The following NEB variants were observed in gnomAD, a reference collection of about 807,000 sequenced individuals.
NEB encodes the protein nebulin, also known as nemaline myopathy type 2.
NEB carries 512 observed loss-of-function variants against 952.2 expected under a neutral mutation model. That is an observed-to-expected ratio of 0.54 (90% confidence interval 0.50 to 0.58). The LOEUF (loss-of-function observed/expected upper bound fraction) is 0.58. NEB is among the 20% of genes least tolerant of loss of function. The pLI is 0.00. For missense variants in NEB, 8,428 were observed against 9,231.1 expected, an observed-to-expected ratio of 0.91 and a Z score of 3.56; for synonymous variants, 2,900 against 3,149.8, an observed-to-expected ratio of 0.92 and a Z score of 2.66.
chr2:151,633,945 G>A lies in NEB; in HGVS notation c.9123C>T (p.Tyr3041=), dbSNP rs1180913382. 1 of 1,612,972 alleles carries A rather than the reference G, an allele frequency of 6.2e-7. No individual in the cohort carries two copies. The change falls in exon 65 of 182, where the codon TAC becomes TAT. Residue 3041 remains tyrosine (Y), a synonymous_variant. Transcript: ENST00000397345. The part of the protein sequence containing the change: ...IISDYKYKDG[Y]CKQLGHHIGA... ...CAATATGGTGGCCAAGTTGCTTGCAGTAACCATCTTTATATTTGTACTAAA... is the reference window on the plus strand; with the variant it reads ...CAATATGGTGGCCAAGTTGCTTGCAATAACCATCTTTATATTTGTACTAAA...
intron 16 of NEB, 24 bp from the exon 17 acceptor site, chr2:151,696,759 G>C (rs2099599447): frequency 1.9e-6 from 3 of 1,582,218 alleles, no homozygotes; most frequent in Non-Finnish European, 2.6e-6. Context: ...AAGGCATTTG[G>C]TTTAGTAGTA....
At position 151,671,063 on chromosome 2, in the gene NEB, C is replaced by A. The variant is rs74482326; in HGVS notation, c.4466G>T (p.Gly1489Val). The change falls in exon 38 of 182, where the codon GGC becomes GTC. Residue 1489 changes from glycine to valine, a missense_variant. Coordinates refer to ENST00000397345, the MANE Select transcript of NEB (RefSeq NM_001164508.2). The part of the protein sequence containing the change: ...VKFTSVPDSM[G>V]MVLAQHNTKQ... ...TGTGTTATGCTGAGCCAACACCATG[C>A]CCATGGAATCAGGCACACTTGTGAA... The A allele has an allele frequency of 9.3e-6, 15 of 1,613,918 alleles. No individual in the cohort carries two copies. Among genetic ancestry groups the A allele is most frequent in the South Asian group, 4.4e-5 (4 of 91,080 alleles).
Position 151,650,859 on chromosome 2 carries a change from C to T in NEB, c.6942G>A (p.Lys2314=). 1.2e-6 allele frequency: 2 copies of T among 1,612,878 alleles called. No homozygotes were observed. The highest frequency in any genetic ancestry group is 1.7e-6 in the Non-Finnish European group (2 of 1,179,218). The stretch of plus-strand genomic sequence containing the variant: ...GGAATCCAACATGGTGGCCAAGTTG[C>T]TTTCGGTAGCCTTGTTTGTATTTAT... ...SDYKYKQGYR[K]QLGHHVGFRS... The change falls in exon 53 of 182, where the codon AAG becomes AAA. Residue 2314 remains lysine, a synonymous_variant. Coordinates refer to ENST00000397345, the MANE Select transcript of NEB (RefSeq NM_001164508.2).
At chr2:151,617,499 G>GAC in intron 74 of NEB, 31 bp from the exon 75 acceptor site, 2 of 1,326,244 alleles carry the variant, frequency 1.5e-6, no homozygotes, top group Non-Finnish European at 2.1e-6. Flanking sequence ...GAGAGAGAGA[G>GAC]AGAGAAAAAT....
At chr2:151,559,949 CA>C (rs1423080527) in intron 124 of NEB, among the ~76,000 whole-genome samples, 2 of 151,952 alleles carry the variant, frequency 1.3e-5, no homozygotes, top group Non-Finnish European at 2.9e-5. Flanking sequence ...TAAACCAAAA[CA>C]AAACACACAC....
chr2:151,643,406 T>C, intron 57 of NEB, 53 bp from the exon 58 acceptor site: 1 of 1,403,504 alleles, frequency 7.1e-7, no homozygotes. Context: ...TCACAATTTG[T>C]CATAATTTGT....
rs2096504464 is a variant in NEB at position 151,568,399 on chromosome 2, A to G, written c.17653T>C (p.Trp5885Arg). The change falls in exon 112 of 182, where the codon TGG becomes CGG. Residue 5885 changes from tryptophan to arginine, a missense_variant. Physicochemically the swap from Trp to Arg is moderately radical, Grantham distance 101. This residue lies in a region of NEB where 3,374 missense variants were observed against 3,651.5 expected (regional missense o/e 0.92). Transcript: ENST00000397345. Reference sequence around the variant, plus strand: ...GTGTACTTTGATTTGGTGGCATTCCAGTCTTTCCGGTATTTAATCTAAAAA... The same window carrying G: ...GTGTACTTTGATTTGGTGGCATTCCGGTCTTTCCGGTATTTAATCTAAAAA... ...ILDDIKYRKDWNATKSKYTLT... is the reference protein window; with the variant it reads ...ILDDIKYRKDRNATKSKYTLT... The G allele has an allele frequency of 1.2e-6, 2 of 1,604,310 alleles. No individual in the cohort carries two copies. Among genetic ancestry groups the G allele is most frequent in the Non-Finnish European group, 8.5e-7 (1 of 1,177,478 alleles).
At chr2:151,716,032 T>C (rs565700705) in intron 10 of NEB, 2 of 311,632 alleles carry the variant, frequency 6.4e-6, no homozygotes, top group Admixed American at 8.3e-5. Flanking sequence ...AGATTCCTTT[T>C]TCTTTCTAAA....
intron 13 of NEB, among the ~76,000 whole-genome samples, chr2:151,705,761 G>A (rs1323993552): frequency 1.3e-5 from 2 of 152,118 alleles, no homozygotes; most frequent in African/African-American, 4.8e-5. Flanking sequence ...ATGAAATAAT[G>A]TCTTTCAAAG....
intron 109 of NEB, 23 bp from the exon 110 acceptor site, chr2:151,569,395 AGTTCAGCAACCCTG>A: frequency 6.4e-7 from 1 of 1,570,718 alleles, no homozygotes. Context: ...GGCCAGAATG[AGTTCAGCAACCCTG>A]GTCATGTGGT....
chr2:151,512,997 C>A (rs971372225), intron 160 of NEB, among the ~76,000 whole-genome samples, 160 bp from the exon 161 acceptor site: 7 of 152,034 alleles, frequency 4.6e-5, no homozygotes, highest in African/African-American at 1.7e-4. Context: ...AGTTTTATAC[C>A]AAAGAGTGAG....
chr2:151,670,345 A>G (rs192599031), intron 38 of NEB, among the ~76,000 whole-genome samples: 92 of 152,180 alleles, frequency 6.0e-4, no homozygotes, highest in Admixed American at 1.2e-3. Context: ...TGGTGGAGGC[A>G]TTTTAACAGA....
chr2:151,568,799 T>C lies in NEB; in HGVS notation c.17536-83A>G, dbSNP rs954927664. ...GAAGATACACTAAATTTAGAGTCCTTCTCTACTAGAAACATACAGTGCCGT... is the reference window on the plus strand; with the variant it reads ...GAAGATACACTAAATTTAGAGTCCTCCTCTACTAGAAACATACAGTGCCGT... On this transcript the variant is annotated intron_variant, in intron 110 of 181. Coordinates refer to ENST00000397345, the MANE Select transcript of NEB (RefSeq NM_001164508.2). The C allele has an allele frequency of 2.3e-5, 22 of 973,144 alleles. No individual in the cohort carries two copies. In the Admixed American group the frequency reaches 3.4e-4, roughly 15 times the overall value. The allele number at this position is 973,144 out of a possible 1,614,324, so 60.3% of individuals were successfully genotyped here.
chr2:151,561,125 A>G lies in NEB; in HGVS notation c.19102-17T>C. 2 of 1,566,804 alleles carry G rather than the reference A, an allele frequency of 1.3e-6. No homozygotes were observed. The highest frequency in any genetic ancestry group is 1.8e-6 in the Non-Finnish European group (2 of 1,142,012). On this transcript the variant is annotated splice_polypyrimidine_tract_variant and intron_variant, in intron 122 of 181. Transcript: ENST00000397345. ...ATATTTTACCTGTAGACAAGCAACAATAGGTTATTCACCTCTGTTGTTAGA... is the reference window on the plus strand; with the variant it reads ...ATATTTTACCTGTAGACAAGCAACAGTAGGTTATTCACCTCTGTTGTTAGA...
intron 10 of NEB, among the ~76,000 whole-genome samples, chr2:151,712,931 T>C (rs1452205447): frequency 6.6e-6 from 1 of 151,956 alleles, no homozygotes; most frequent in East Asian, 1.9e-4. Context: ...CCAAACTCTG[T>C]TGTACTTGCA....
In NEB at chr2:151,627,011, A is replaced by G. The variant is rs147569843; in HGVS notation, c.10338T>C (p.Asn3446=). 5,076 of 1,613,950 alleles carry G rather than the reference A, an allele frequency of 3.1e-3. 77 individuals carry two copies. In the East Asian group the frequency reaches 0.042, roughly 13 times the overall value. The change falls in exon 70 of 182, where the codon AAT becomes AAC. Residue 3446 remains asparagine (N), a synonymous_variant. Transcript: ENST00000397345. The stretch of plus-strand genomic sequence containing the variant: ...CAAATTGGGGGCTCACCTTGTTCAT[A>G]TTGAGAGCATTGTTCTTGGCCAGCA... ...EQVLAKNNAL[N]MNKRLYTEAW...
At position 151,615,029 on chromosome 2, in the gene NEB, T is replaced by C. The variant is rs534988166; in HGVS notation, c.11290-442A>G. On this transcript the variant is annotated intron_variant, in intron 76 of 181. Transcript: ENST00000397345. Reference sequence around the variant, plus strand: ...ATAATAGACTTCTCAGTCAAGGATATGTGTTACATTTAGATAGAGTTTATG... The same window carrying C: ...ATAATAGACTTCTCAGTCAAGGATACGTGTTACATTTAGATAGAGTTTATG... Among the ~76,000 whole-genome samples, 27 of 152,334 alleles carry C rather than the reference T, an allele frequency of 1.8e-4. No individual in the cohort carries two copies. The South Asian group carries it at 5.6e-3, about 32-fold the overall frequency.
At position 151,691,890 on chromosome 2, in the gene NEB, T is replaced by C. The variant is rs372763273; in HGVS notation, c.2185A>G (p.Ile729Val). 6 of 1,601,476 alleles carry C rather than the reference T, an allele frequency of 3.7e-6. No homozygotes were observed. The highest frequency in any genetic ancestry group is 1.1e-5 in the South Asian group (1 of 89,486). The part of the protein sequence containing the change: ...PQTITQEYEA[I>V]KKLDQCKDHT... ...TCTTTACACTGGTCCAGCTTCTTGA[T>C]TGCTTCATATTCTTGTGTTATTGTC... The change falls in exon 23 of 182, where the codon ATC becomes GTC. Residue 729 changes from isoleucine (I) to valine (V), a missense_variant. Around this residue, in one of 11 missense-constraint regions of NEB, gnomAD observed 2,851 missense variants for 2,791.5 expected, o/e 1.02. Coordinates refer to ENST00000397345, the MANE Select transcript of NEB (RefSeq NM_001164508.2).
intron 13 of NEB, among the ~76,000 whole-genome samples, chr2:151,701,588 T>G (rs1045705968): frequency 6.6e-6 from 1 of 151,730 alleles, no homozygotes; most frequent in African/African-American, 2.4e-5. Context: ...CCTGGTTTAG[T>G]CTTGGGAGAT....
Sources: allele counts gnomAD v4.1 joint callset (sites outside exome capture counted in the v4.1 genomes callset), GRCh38; gene constraint gnomAD v4.1.1; regional missense constraint gnomAD v4.1.1; transcripts MANE v1.5; gene names NCBI Gene and HGNC (gene_info 2026-07-23, HGNC 2026-07-21).